APOBEC3A: variants seen among roughly 807,000 people sequenced by gnomAD.
The protein encoded by APOBEC3A is DNA dC->dU-editing enzyme APOBEC-3A.
In APOBEC3A, 13 loss-of-function variants were observed where a neutral mutation model predicts 23.0. The observed-to-expected ratio is 0.57, with a 90% CI of 0.37 to 0.90. The LOEUF is 0.90. APOBEC3A is among the 40% of genes least tolerant of loss of function. The pLI is 0.01. For synonymous variants in APOBEC3A, 74 were observed against 101.3 expected (o/e 0.73, Z 1.62); for missense variants, 179 against 264.9 (o/e 0.68, Z 2.25).
At chr22:38,959,712 G>A (rs5750717) in intron 2 of APOBEC3A, 26 bp downstream of exon 2, 1,044,067 of 1,606,866 alleles carry the variant, frequency 0.65, 346,468 homozygotes, top group East Asian at 0.95. Context: ...ATCCGAATCC[G>A]GGCAGGGCCC....
chr22:38,958,741 CCCTT>C (rs1418420422), intron 1 of APOBEC3A, among the ~76,000 whole-genome samples: 28 of 134,068 alleles, frequency 2.1e-4, no homozygotes, highest in African/African-American at 5.5e-4. Flanking sequence ...CTCCCTCCCT[CCCTT>C]CCTTCCTTCC....
rs779299172 is a variant in APOBEC3A, at chr22:38,962,279, T to A, written c.585+66T>A. 1,014 of 1,610,606 alleles carry A rather than the reference T, an allele frequency of 6.3e-4. 1 individual carries two copies. Among genetic ancestry groups the A allele is most frequent in the Non-Finnish European group, 7.8e-4 (918 of 1,178,700 alleles). Reference sequence around the variant, plus strand: ...CCCCTCCTCCCCACTCCCCTGGGCCTTGCCTTCCCCTCTGCTCAGAGCCTC... The same window carrying A: ...CCCCTCCTCCCCACTCCCCTGGGCCATGCCTTCCCCTCTGCTCAGAGCCTC... On this transcript the variant is annotated intron_variant, in intron 4 of 4. Coordinates refer to ENST00000249116, the MANE Select transcript of APOBEC3A (RefSeq NM_145699.4).
intron 3 of APOBEC3A, 44 bp from the exon 4 acceptor site, chr22:38,962,054 A>T (rs1800176836): frequency 6.3e-7 from 1 of 1,581,670 alleles, no homozygotes; most frequent in Non-Finnish European, 8.6e-7. Context: ...TGCCACCCCG[A>T]TCCCACAGCG....
Position 38,957,669 on chromosome 22 carries a change from A to C in APOBEC3A, c.-23A>C. ...TCGCAAGAGCGGGAGGACACAGACC[A>C]GGAACCGAGAAGGGACAAGCACATG... On this transcript the variant is annotated 5_prime_UTR_variant, in exon 1 of 5. Transcript: ENST00000249116. 1.2e-6 allele frequency: 2 copies of C among 1,611,944 alleles called. No homozygotes were observed. Among genetic ancestry groups the C allele is most frequent in the Non-Finnish European group, 1.7e-6 (2 of 1,178,870 alleles).
chr22:38,960,423 C>T (rs1242377908), intron 2 of APOBEC3A, among the ~76,000 whole-genome samples: 2 of 152,208 alleles, frequency 1.3e-5, no homozygotes, highest in Non-Finnish European at 2.9e-5. Context: ...AGCCCCTTCT[C>T]AGCACAAACC....
Position 38,959,567 on chromosome 22 carries a change from A to G in APOBEC3A, c.55A>G (p.Thr19Ala), listed in dbSNP as rs17000556. Residue 19 changes from threonine (T) to alanine (A), a missense_variant, in exon 2 of 5, where the codon ACT becomes GCT. Physicochemically the swap from Thr to Ala is moderately conservative, Grantham distance 58. This residue lies in a region of APOBEC3A where 87 missense variants were observed against 74.5 expected (regional missense o/e 1.17). Coordinates refer to ENST00000249116, the MANE Select transcript of APOBEC3A (RefSeq NM_145699.4). ...ACACTTGATGGATCCACACATATTC[A>G]CTTCCAACTTTAACAATGGCATTGG... ...PRHLMDPHIF[T>A]SNFNNGIGRH... 10,832 of 1,613,952 alleles carry G rather than the reference A, an allele frequency of 6.7e-3. 477 individuals are homozygous for G. The African/African-American group carries it at 0.11, about 16-fold the overall frequency.
chr22:38,959,411 G>C, intron 1 of APOBEC3A, 131 bp from the exon 2 acceptor site: 1 of 1,078,428 alleles, frequency 9.3e-7, no homozygotes, highest in Non-Finnish European at 1.3e-6. Context: ...AGGTTTGGAA[G>C]TGTGCTAAGG....
Position 38,959,428 on chromosome 22 carries a change from C to A in APOBEC3A, c.30-114C>A. ...GTTTGGAAGTGTGCTAAGGGATGTG[C>A]GGAGCAGGGGGAAGGAGGGTGGGGT... On this transcript the variant is annotated intron_variant, in intron 1 of 4. Coordinates refer to ENST00000249116, the MANE Select transcript of APOBEC3A (RefSeq NM_145699.4). 11 of 1,266,808 alleles carry A rather than the reference C, an allele frequency of 8.7e-6. 1 individual carries two copies. The South Asian group carries it at 1.1e-4, about 12-fold the overall frequency. 78.5% of individuals were successfully genotyped at this position (1,266,808 alleles called of 1,614,324 possible).
chr22:38,958,316 T>TTCTC (rs199853737), intron 1 of APOBEC3A, among the ~76,000 whole-genome samples: 3 of 150,284 alleles, frequency 2.0e-5, no homozygotes, highest in African/African-American at 4.9e-5. Flanking sequence ...CTTCCTTCAA[T>TTCTC]TCTCTCTCTC....
chr22:38,961,543 C>T lies in APOBEC3A; in HGVS notation c.331C>T (p.Arg111Cys), dbSNP rs563506360. ...CTCCTGGGGCTGTGCCGGGGAAGTGCGTGCGTTCCTTCAGGAGAACACACA... is the reference window on the plus strand; with the variant it reads ...CTCCTGGGGCTGTGCCGGGGAAGTGTGTGCGTTCCTTCAGGAGAACACACA... ...CFSWGCAGEVRAFLQENTHVR... is the reference protein window; with the variant it reads ...CFSWGCAGEVCAFLQENTHVR... Residue 111 changes from arginine to cysteine, a missense_variant, in exon 3 of 5, where the codon CGT becomes TGT. Transcript: ENST00000249116. 110 of 1,530,500 alleles carry T rather than the reference C, an allele frequency of 7.2e-5. 7 individuals are homozygous for T. In the East Asian group the frequency reaches 2.2e-3, roughly 31 times the overall value. The allele number at this position is 1,530,500 out of a possible 1,614,324, so 94.8% of individuals were successfully genotyped here.
At chr22:38,957,932 G>A (rs560058014) in intron 1 of APOBEC3A, among the ~76,000 whole-genome samples, 17 of 152,222 alleles carry the variant, frequency 1.1e-4, no homozygotes, top group African/African-American at 9.6e-5. Context: ...TCCACCTCCC[G>A]GGGCAGGTGC....
intron 1 of APOBEC3A, among the ~76,000 whole-genome samples, chr22:38,958,499 CTTTT>C (rs771325736): frequency 7.3e-6 from 1 of 136,456 alleles, no homozygotes; most frequent in Non-Finnish European, 1.6e-5. Context: ...TTCTTTCTTT[CTTTT>C]TCTTTCATTC....
At position 38,959,536 on chromosome 22, in the gene APOBEC3A, C is replaced by T; in HGVS notation, c.30-6C>T. The T allele has an allele frequency of 6.2e-7, 1 of 1,612,942 alleles. No individual in the cohort carries two copies. Among genetic ancestry groups the T allele is most frequent in the South Asian group, 1.1e-5 (1 of 91,024 alleles). On this transcript the variant is annotated splice_region_variant and splice_polypyrimidine_tract_variant and intron_variant, in intron 1 of 4. Transcript: ENST00000249116. ...CTCCTCTGGTCTTTTCCCTGGCTGT[C>T]CACAGACACTTGATGGATCCACACA...
Position 38,957,682 on chromosome 22 carries a change from G to A in APOBEC3A, c.-10G>A, listed in dbSNP as rs1257436623. 6.2e-7 allele frequency: 1 copy of A among 1,612,754 alleles called. No homozygotes were observed. The highest frequency in any genetic ancestry group is 1.7e-5 in the Admixed American group (1 of 59,854). ...AGGACACAGACCAGGAACCGAGAAG[G>A]GACAAGCACATGGAAGCCAGCCCAG... is the stretch of plus-strand genomic sequence containing the variant. On this transcript the variant is annotated 5_prime_UTR_variant, in exon 1 of 5. Coordinates refer to ENST00000249116, the MANE Select transcript of APOBEC3A (RefSeq NM_145699.4).
chr22:38,957,746 C>T (rs763073938), intron 1 of APOBEC3A, 26 bp downstream of exon 1: 1 of 1,608,146 alleles, frequency 6.2e-7, no homozygotes, highest in Non-Finnish European at 8.5e-7. Context: ...CCGAGCACCT[C>T]TGCGCCTCAG....
At chr22:38,961,243 T>C in intron 2 of APOBEC3A, 144 bp from the exon 3 acceptor site, 5 of 617,708 alleles carry the variant, frequency 8.1e-6, no homozygotes, top group East Asian at 3.3e-5. Flanking sequence ...TAATATTGCA[T>C]AGAAAATCAT....
Position 38,962,205 on chromosome 22 carries a change from A to G in APOBEC3A, c.577A>G (p.Ile193Val). 6 of 1,613,584 alleles carry G rather than the reference A, an allele frequency of 3.7e-6. No individual in the cohort carries two copies. The highest frequency in any genetic ancestry group is 4.2e-6 in the Non-Finnish European group (5 of 1,179,962). ...AGCCCTGAGTGGGAGGCTGCGGGCC[A>G]TTCTCCAGGTGAGGGCTTCCTCCCT... ...SQALSGRLRAILQNQGN is the reference protein window; with the variant it reads ...SQALSGRLRAVLQNQGN Residue 193 changes from isoleucine to valine, a missense_variant, in exon 4 of 5, where the codon ATT (isoleucine) becomes GTT (valine). Ile to Val is a conservative substitution (Grantham distance 29, BLOSUM62 3). Around this residue, in one of 5 missense-constraint regions of APOBEC3A, gnomAD observed 37 missense variants for 43.1 expected, o/e 0.86. Coordinates refer to ENST00000249116, the MANE Select transcript of APOBEC3A (RefSeq NM_145699.4).
intron 2 of APOBEC3A, 126 bp downstream of exon 2, chr22:38,959,812 T>G: frequency 1.5e-6 from 2 of 1,306,090 alleles, no homozygotes; most frequent in Non-Finnish European, 2.1e-6. Flanking sequence ...CTGCAGCTGC[T>G]GCTGCTTGGC....
In APOBEC3A at chr22:38,961,498, A is replaced by C. The variant is rs902179939; in HGVS notation, c.286A>C (p.Ile96Leu). 6.7e-7 allele frequency: 1 copy of C among 1,488,442 alleles called. No homozygotes were observed. Among genetic ancestry groups the C allele is most frequent in the African/African-American group, 1.6e-5 (1 of 62,516 alleles). 92.2% of individuals were successfully genotyped at this position (1,488,442 alleles called of 1,614,324 possible). A position where few individuals can be genotyped will look rare whatever the true frequency, so the allele number is the denominator to read the frequency against. ...PAQIYRVTWF[I>L]SWSPCFSWGC... is the part of the protein sequence containing the mutation. ...CCAGATCTACAGGGTCACTTGGTTC[A>C]TCTCCTGGAGCCCCTGCTTCTCCTG... Residue 96 changes from isoleucine (I) to leucine (L), a missense_variant, in exon 3 of 5, where the codon ATC (isoleucine) becomes CTC (leucine). Around this residue, in one of 5 missense-constraint regions of APOBEC3A, gnomAD observed 10 missense variants for 64.3 expected, o/e 0.16. Coordinates refer to ENST00000249116, the MANE Select transcript of APOBEC3A (RefSeq NM_145699.4).
Sources: allele counts gnomAD v4.1 joint callset (sites outside exome capture counted in the v4.1 genomes callset), GRCh38; gene constraint gnomAD v4.1.1; regional missense constraint gnomAD v4.1.1; transcripts MANE v1.5; gene names NCBI Gene and HGNC (gene_info 2026-07-23, HGNC 2026-07-21).